Variants in SLIT1 observed in about 807,000 individuals in gnomAD.
The protein encoded by SLIT1 is slit homolog 1 protein.
Under a neutral mutation model 186.1 loss-of-function variants are expected in SLIT1, and 66 were observed. The ratio of observed to expected loss-of-function variants is 0.35; its 90% CI spans 0.29 to 0.44. The LOEUF (loss-of-function observed/expected upper bound fraction) is 0.44. Ranked by LOEUF, SLIT1 falls within the 20% of genes least tolerant of loss-of-function variation. The pLI is 1.00. For synonymous variants in SLIT1, 761 were observed against 833.8 expected, an observed-to-expected ratio of 0.91 and a Z score of 1.50; for missense variants, 1,638 against 2,037.4, an observed-to-expected ratio of 0.80 and a Z score of 3.77.
intron 4 of SLIT1, among the ~76,000 whole-genome samples, chr10:97,090,449 G>A (rs1200612905): frequency 6.6e-6 from 1 of 152,200 alleles, no homozygotes; most frequent in Non-Finnish European, 1.5e-5. Flanking sequence ...CATAGGCAGG[G>A]ACTGGGTCAC....
chr10:97,136,696 C>T (rs917180517), intron 4 of SLIT1, among the ~76,000 whole-genome samples: 3 of 152,182 alleles, frequency 2.0e-5, no homozygotes, highest in African/African-American at 7.2e-5. Flanking sequence ...ATGAGTGATC[C>T]TTCCACGTTT....
rs542275402 is a variant in SLIT1, at chr10:97,063,675, G to A, written c.630-57C>T. ...CTGGATCCCCCAGCCCAGCCTGATT[G>A]TGGGAACCCCAATCTCAGGCAGGAG... On this transcript the variant is annotated intron_variant, in intron 7 of 36. Coordinates refer to ENST00000266058, the MANE Select transcript of SLIT1 (RefSeq NM_003061.3). The A allele has an allele frequency of 7.8e-4, 1,178 of 1,508,256 alleles. 4 individuals carry two copies. The highest frequency in any genetic ancestry group is 2.4e-3 in the Middle Eastern group (13 of 5,438). 93.4% of individuals were successfully genotyped at this position (1,508,256 alleles called of 1,614,324 possible).
In SLIT1 at chr10:97,021,705, GAC is replaced by G. The variant is rs1349077058; in HGVS notation, c.2583-294_2583-293del. Among the ~76,000 whole-genome samples, 7 of 152,010 alleles carry G rather than the reference GAC, an allele frequency of 4.6e-5. No individual in the cohort carries two copies. Among genetic ancestry groups the G allele is most frequent in the Non-Finnish European group, 1.0e-4 (7 of 68,028 alleles). ...ATACTCCCAAGTATCTGGGATTACA[GAC>G]ACACACCGCCATGCACAGCTAATTT... is the stretch of plus-strand genomic sequence containing the variant. On this transcript the variant is annotated intron_variant, in intron 25 of 36. Transcript: ENST00000266058. The surrounding 1 kb of genome is among the most constrained non-coding windows in gnomAD (Gnocchi z 4.5).
At chr10:97,044,815 C>T (rs982508204) in intron 18 of SLIT1, among the ~76,000 whole-genome samples, 3 of 152,166 alleles carry the variant, frequency 2.0e-5, no homozygotes, top group African/African-American at 4.8e-5. Context: ...ATGCATTATA[C>T]GTGAACTTCA....
intron 11 of SLIT1, chr10:97,058,074 T>A: frequency 1.4e-6 from 1 of 717,370 alleles, no homozygotes; most frequent in Non-Finnish European, 2.6e-6. Flanking sequence ...TGTGTGCCTG[T>A]CGTGTGTGGA....
intron 25 of SLIT1, among the ~76,000 whole-genome samples, chr10:97,024,677 A>G (rs1044000050): frequency 1.3e-5 from 2 of 152,244 alleles, no homozygotes; most frequent in African/African-American, 4.8e-5. Context: ...TTTTTATACT[A>G]ACAAAAAGTG....
At chr10:97,048,439 C>A (rs990050311) in intron 14 of SLIT1, among the ~76,000 whole-genome samples, 6 of 152,162 alleles carry the variant, frequency 3.9e-5, no homozygotes, top group Non-Finnish European at 7.3e-5. Context: ...AGGAGGGTTC[C>A]CAGGCCTCCT....
In SLIT1 at chr10:96,998,606, T is replaced by C. The variant is rs1848270102; in HGVS notation, c.*2506A>G. ...TCAAGCGGAGTGTGAATAGGCAACGTGAGTGCTGACTCAGGTCCTTAGCAA... is the reference window on the plus strand; with the variant it reads ...TCAAGCGGAGTGTGAATAGGCAACGCGAGTGCTGACTCAGGTCCTTAGCAA... On this transcript the variant is annotated 3_prime_UTR_variant, in exon 37 of 37. Transcript: ENST00000266058. 6.6e-6 allele frequency: 1 copy of C among 152,302 alleles called. No homozygotes were observed. The highest frequency in any genetic ancestry group is 2.4e-5 in the African/African-American group (1 of 41,464). 9.4% of individuals were successfully genotyped at this position (152,302 alleles called of 1,614,324 possible).
At chr10:97,025,190 G>A (rs996118104) in intron 25 of SLIT1, among the ~76,000 whole-genome samples, 2 of 152,152 alleles carry the variant, frequency 1.3e-5, no homozygotes, top group South Asian at 2.1e-4. Flanking sequence ...CAGGAGCATC[G>A]CTTGAACCCA....
intron 4 of SLIT1, among the ~76,000 whole-genome samples, chr10:97,077,748 AATG>A (rs1355331100): frequency 6.6e-6 from 1 of 152,152 alleles, no homozygotes; most frequent in East Asian, 1.9e-4. Context: ...CTCCTAAGAG[AATG>A]ATAAGATTCA....
chr10:97,135,431 C>T (rs1564684546), intron 4 of SLIT1, among the ~76,000 whole-genome samples: 1 of 152,122 alleles, frequency 6.6e-6, no homozygotes, highest in Non-Finnish European at 1.5e-5. Context: ...CTTGAAGAGC[C>T]AGGGCAACAG....
chr10:97,158,199 G>C (rs1252243561), intron 3 of SLIT1, among the ~76,000 whole-genome samples: 1 of 152,160 alleles, frequency 6.6e-6, no homozygotes, highest in African/African-American at 2.4e-5. Flanking sequence ...AGCCCTGTGT[G>C]GTTTCTAAGG....
chr10:97,175,971 C>T (rs1850251291), intron 1 of SLIT1, among the ~76,000 whole-genome samples: 1 of 152,204 alleles, frequency 6.6e-6, no homozygotes, highest in Admixed American at 6.5e-5. Flanking sequence ...TTTACAGCCC[C>T]AGTGCTAAAC....
intron 3 of SLIT1, among the ~76,000 whole-genome samples, chr10:97,158,341 T>TC (rs398114669): frequency 4.6e-5 from 7 of 152,142 alleles, no homozygotes; most frequent in Non-Finnish European, 8.8e-5. Flanking sequence ...CTTTTTTTTT[T>TC]ATTGTTTGCT....
intron 1 of SLIT1, among the ~76,000 whole-genome samples, chr10:97,181,270 T>A (rs1850334765): frequency 6.6e-6 from 1 of 152,258 alleles, no homozygotes; most frequent in Admixed American, 6.5e-5. Context: ...CATGGTGGCC[T>A]GCTCAGATCC....
intron 13 of SLIT1, among the ~76,000 whole-genome samples, chr10:97,052,105 T>TTG (rs1589375677): frequency 3.5e-4 from 5 of 14,290 alleles, no homozygotes; most frequent in Admixed American, 1.8e-3. Flanking sequence ...TTTTTGTTTG[T>TTG]TTTTTTTTTT....
chr10:97,166,557 A>AGGAAAG (rs1283710320), intron 1 of SLIT1, among the ~76,000 whole-genome samples: 32 of 55,208 alleles, frequency 5.8e-4, no homozygotes, highest in African/African-American at 2.1e-3. Flanking sequence ...GAAGGAAGGA[A>AGGAAAG]AGAGAGAGAG....
chr10:97,146,271 A>G (rs1388519271), intron 4 of SLIT1, among the ~76,000 whole-genome samples: 1 of 152,204 alleles, frequency 6.6e-6, no homozygotes, highest in East Asian at 1.9e-4. Context: ...TAAAAATTAC[A>G]AATACAAACC....
At chr10:97,166,451 G>C (rs1850108092) in intron 1 of SLIT1, among the ~76,000 whole-genome samples, 2 of 151,284 alleles carry the variant, frequency 1.3e-5, no homozygotes, top group African/African-American at 4.9e-5. Flanking sequence ...GGGAGGTGGA[G>C]GTTGAAGTGA....
Sources: gnomAD v4.1 joint callset for allele counts (sites outside exome capture counted in the v4.1 genomes callset) on GRCh38, gnomAD v4.1.1 for gene constraint, Gnocchi (gnomAD v3.1) non-coding constraint, MANE v1.5 for transcripts, NCBI Gene and HGNC (gene_info 2026-07-23, HGNC 2026-07-21) for gene names.